Variants in AGBL1 observed in about 807,000 individuals in gnomAD.
The protein encoded by AGBL1 is AGBL carboxypeptidase 1.
Under a neutral mutation model 118.9 loss-of-function variants are expected in AGBL1, and 130 were observed. The ratio of observed to expected loss-of-function variants is 1.09; its 90% CI spans 0.95 to 1.26. The LOEUF is 1.26. Among genes scored for constraint, AGBL1 ranks in the 50% most tolerant of loss-of-function variants. The probability of loss-of-function intolerance (pLI) is 0.00; values close to 1 mark genes in which losing one functional copy is unlikely to be tolerated. For missense variants in AGBL1, 1,584 were observed against 1,298.1 expected (o/e 1.22, Z -3.38); for synonymous variants, 555 against 478.9 (o/e 1.16, Z -2.08).
At chr15:86,279,982 G>A (rs994147214) in intron 16 of AGBL1, among the ~76,000 whole-genome samples, 199 bp downstream of exon 16, 1 of 152,174 alleles carries the variant, frequency 6.6e-6, no homozygotes, top group South Asian at 2.1e-4. Flanking sequence ...CCTGGACAGA[G>A]CACAAGGCTG....
At chr15:86,448,086 G>A (rs778365934) in intron 18 of AGBL1, among the ~76,000 whole-genome samples, 92 of 152,080 alleles carry the variant, frequency 6.0e-4, no homozygotes, top group Non-Finnish European at 1.2e-3. Flanking sequence ...CAGAGGTTGC[G>A]GTGAGCTGAG....
intron 22 of AGBL1, among the ~76,000 whole-genome samples, chr15:86,754,553 G>T (rs764390868): frequency 6.6e-6 from 1 of 151,956 alleles, no homozygotes; most frequent in Non-Finnish European, 1.5e-5. Flanking sequence ...GAGTCCAAAG[G>T]GCTCCTGATC....
At chr15:86,409,149 A>G (rs1261448555) in intron 18 of AGBL1, among the ~76,000 whole-genome samples, 1 of 152,164 alleles carries the variant, frequency 6.6e-6, no homozygotes, top group Non-Finnish European at 1.5e-5. Context: ...GGGCATCCGC[A>G]ATGCGTCTTC....
chr15:86,477,965 G>T (rs1567014911), intron 18 of AGBL1, among the ~76,000 whole-genome samples: 1 of 152,050 alleles, frequency 6.6e-6, no homozygotes, highest in Non-Finnish European at 1.5e-5. Flanking sequence ...CATATAAACA[G>T]AATGAAAGAC....
chr15:86,519,691 G>T (rs550173757), intron 18 of AGBL1, among the ~76,000 whole-genome samples: 17 of 152,238 alleles, frequency 1.1e-4, no homozygotes, highest in African/African-American at 3.9e-4. Flanking sequence ...ATAGAGTCCT[G>T]AAGACAAATA....
At chr15:87,020,864 G>A (rs2081657571) in intron 24 of AGBL1, among the ~76,000 whole-genome samples, 1 of 152,104 alleles carries the variant, frequency 6.6e-6, no homozygotes, top group East Asian at 1.9e-4. Context: ...TAAATAAACA[G>A]AAAAACATTC....
intron 21 of AGBL1, among the ~76,000 whole-genome samples, chr15:86,616,391 C>A (rs543525216): frequency 6.7e-6 from 1 of 148,684 alleles, no homozygotes; most frequent in African/African-American, 2.5e-5. Context: ...GAAAACTTGT[C>A]GTTGGATTAG....
chr15:86,535,056 A>G (rs760191418), intron 19 of AGBL1, among the ~76,000 whole-genome samples: 1 of 152,212 alleles, frequency 6.6e-6, no homozygotes, highest in Admixed American at 6.5e-5. Flanking sequence ...AATTAAAGCA[A>G]AGTCACAGAG....
chr15:86,754,364 C>G (rs972894587), intron 22 of AGBL1, among the ~76,000 whole-genome samples: 21 of 151,994 alleles, frequency 1.4e-4, no homozygotes, highest in African/African-American at 4.8e-4. Flanking sequence ...TCAAGGGTAC[C>G]AAGGAATTTA....
At chr15:86,142,162 C>A in intron 2 of AGBL1, 95 bp downstream of exon 2, 1 of 1,285,776 alleles carries the variant, frequency 7.8e-7, no homozygotes, top group South Asian at 1.4e-5. Flanking sequence ...GGGGTTTGCT[C>A]TTGCTTCAGT....
chr15:86,873,461 C>T (rs2079758500), intron 22 of AGBL1, among the ~76,000 whole-genome samples: 1 of 152,118 alleles, frequency 6.6e-6, no homozygotes, highest in South Asian at 2.1e-4. Context: ...CAGTTTTCTT[C>T]CCTGATACAA....
At chr15:86,634,773 T>G (rs1443783538) in intron 21 of AGBL1, among the ~76,000 whole-genome samples, 1 of 152,178 alleles carries the variant, frequency 6.6e-6, no homozygotes, top group Non-Finnish European at 1.5e-5. Context: ...TTTAGATAAA[T>G]TCACACAAAC....
chr15:86,429,863 A>C (rs921864656), intron 18 of AGBL1, among the ~76,000 whole-genome samples: 1 of 152,206 alleles, frequency 6.6e-6, no homozygotes, highest in African/African-American at 2.4e-5. Context: ...AAATAACAAC[A>C]ATGCATTGAC....
At chr15:86,719,237 C>G (rs2086681725) in intron 22 of AGBL1, among the ~76,000 whole-genome samples, 1 of 152,140 alleles carries the variant, frequency 6.6e-6, no homozygotes, top group African/African-American at 2.4e-5. Context: ...AGTTGACCTA[C>G]AAGAACTGGG....
chr15:86,143,588 A>G, intron 2 of AGBL1, 111 bp from the exon 3 acceptor site: 3 of 1,319,248 alleles, frequency 2.3e-6, no homozygotes, highest in Non-Finnish European at 3.1e-6. Flanking sequence ...AATTTTACGT[A>G]GTTGAAATGA....
intron 21 of AGBL1, among the ~76,000 whole-genome samples, chr15:86,564,355 G>T (rs1005430268): frequency 6.6e-6 from 1 of 152,158 alleles, no homozygotes; most frequent in African/African-American, 2.4e-5. Flanking sequence ...GCATTTGCTT[G>T]TCTGTAAAGG....
chr15:86,090,805 TCA>T (rs1895971142), intron 1 of AGBL1, among the ~76,000 whole-genome samples: 1 of 152,186 alleles, frequency 6.6e-6, no homozygotes, highest in African/African-American at 2.4e-5. Context: ...TGTTTGAGTT[TCA>T]CACCATATCA....
At chr15:86,980,531 T>A (rs1199645279) in intron 23 of AGBL1, among the ~76,000 whole-genome samples, 2 of 152,172 alleles carry the variant, frequency 1.3e-5, no homozygotes, top group Non-Finnish European at 2.9e-5. Flanking sequence ...AAAAAGTAAC[T>A]TCCATTCCTC....
chr15:86,348,750 C>T (rs376739286), intron 17 of AGBL1, among the ~76,000 whole-genome samples: 1 of 148,274 alleles, frequency 6.7e-6, no homozygotes, highest in Non-Finnish European at 1.5e-5. Flanking sequence ...TGCACTTCAG[C>T]CTGGGTGACA....
Sources: gnomAD v4.1 joint callset for allele counts (sites outside exome capture counted in the v4.1 genomes callset) on GRCh38, gnomAD v4.1.1 for gene constraint, MANE v1.5 for transcripts, NCBI Gene and HGNC (gene_info 2026-07-23, HGNC 2026-07-21) for gene names.